Variants in HDAC2 observed in about 807,000 individuals in gnomAD.
HDAC2 encodes the protein histone deacetylase 2.
In HDAC2, 5 loss-of-function variants were observed where a neutral mutation model predicts 68.5. That is an observed-to-expected ratio of 0.07 (90% CI 0.04 to 0.15). The LOEUF (loss-of-function observed/expected upper bound fraction) is 0.15. Among genes scored for constraint, HDAC2 ranks in the 10% least tolerant of loss-of-function variants. The probability of loss-of-function intolerance (pLI) is 1.00; values close to 1 mark genes in which losing one functional copy is unlikely to be tolerated. For synonymous variants in HDAC2, 182 were observed against 191.3 expected, an observed-to-expected ratio of 0.95 and a Z score of 0.40; for missense variants, 291 against 600.8, an observed-to-expected ratio of 0.48 and a Z score of 5.39.
At chr6:113,941,485 G>A (rs1332563879) in intron 13 of HDAC2, among the ~76,000 whole-genome samples, 4 of 152,022 alleles carry the variant, frequency 2.6e-5, no homozygotes, top group Non-Finnish European at 4.4e-5. Context: ...GATAAACTAC[G>A]TACAAGAATA....
In HDAC2 at chr6:113,970,839, A is replaced by G; in HGVS notation, c.52+18T>C. On this transcript the variant is annotated intron_variant, in intron 1 of 13. Coordinates refer to ENST00000519065, the MANE Select transcript of HDAC2 (RefSeq NM_001527.4). Reference sequence around the variant, plus strand: ...CCCGGCCCCGCGCGCCCACCCCGACACCGGCCCGGCCGCTCACCGTCGTAG... The same window carrying G: ...CCCGGCCCCGCGCGCCCACCCCGACGCCGGCCCGGCCGCTCACCGTCGTAG... 6.5e-7 allele frequency: 1 copy of G among 1,534,010 alleles called. No individual in the cohort carries two copies. Among genetic ancestry groups the G allele is most frequent in the South Asian group, 1.2e-5 (1 of 83,792 alleles).
Position 113,941,058 on chromosome 6 carries a change from T to A in HDAC2, c.1467A>T (p.Ter489CysextTer2). The A allele has an allele frequency of 1.1e-5, 17 of 1,605,956 alleles. No homozygotes were observed. Among genetic ancestry groups the A allele is most frequent in the Non-Finnish European group, 1.4e-5 (17 of 1,176,158 alleles). Residue 489 changes from the stop codon to cysteine (C), a stop_lost, in exon 14 of 14, where the codon TGA becomes TGT. Coordinates refer to ENST00000519065, the MANE Select transcript of HDAC2 (RefSeq NM_001527.4). The part of the protein sequence containing the change: ...GTKSEQLSNP[*>C] ...TCTGAAATTGGTGAGACTGTCAAAT[T>A]CAGGGGTTGCTGAGCTGTTCTGATT...
At position 113,971,021 on chromosome 6, in the gene HDAC2, T is replaced by C. The variant is rs77766563; in HGVS notation, c.-113A>G. 4.4e-3 allele frequency: 6,977 copies of C among 1,575,596 alleles called. 252 individuals carry two copies. In the African/African-American group the frequency reaches 0.08, roughly 18 times the overall value. ...AGGGCTGAGGGAAACGTGGGGGCGA[T>C]AGTCCCGCGGGGAAGGGCAGGCCGG... On this transcript the variant is annotated 5_prime_UTR_variant, in exon 1 of 14. Transcript: ENST00000519065.
chr6:113,939,374 CA>C lies in HDAC2; in HGVS notation c.*1683del, dbSNP rs1776075534. The C allele has an allele frequency of 6.6e-6, 1 of 152,042 alleles. No individual in the cohort carries two copies. Among genetic ancestry groups the C allele is most frequent in the South Asian group, 2.1e-4 (1 of 4,832 alleles). The allele number at this position is 152,042 out of a possible 1,614,324, so 9.4% of individuals were successfully genotyped here. A position where few individuals can be genotyped will look rare whatever the true frequency, so the allele number is the denominator to read the frequency against. On this transcript the variant is annotated 3_prime_UTR_variant, in exon 14 of 14. Coordinates refer to ENST00000519065, the MANE Select transcript of HDAC2 (RefSeq NM_001527.4). ...TACACTGCTTGGGTGATGGGTCCAC[CA>C]AAATCCCACAAATCACCACTAAAGA...
chr6:113,944,710 T>A (rs1776228616), intron 10 of HDAC2, among the ~76,000 whole-genome samples: 1 of 152,092 alleles, frequency 6.6e-6, no homozygotes, highest in Non-Finnish European at 1.5e-5. Context: ...CCCAGGCTGG[T>A]CACAAACTAC....
chr6:113,958,780 TA>T lies in HDAC2; in HGVS notation c.166-15del, dbSNP rs1562147220. On this transcript the variant is annotated splice_polypyrimidine_tract_variant and intron_variant, in intron 2 of 13. Coordinates refer to ENST00000519065, the MANE Select transcript of HDAC2 (RefSeq NM_001527.4). ...TTTATGGGGCCTCTGTGAAGAGAAA[TA>T]AATGTCAGAACTGTGGAATTACAAC... 7.1e-7 allele frequency: 1 copy of T among 1,405,318 alleles called. No homozygotes were observed. The highest frequency in any genetic ancestry group is 1.7e-5 in the Admixed American group (1 of 59,338). 87.1% of individuals were successfully genotyped at this position (1,405,318 alleles called of 1,614,324 possible).
At position 113,953,280 on chromosome 6, in the gene HDAC2, C is replaced by T. The variant is rs751496642; in HGVS notation, c.636G>A (p.Leu212=). ...YGEYFPGTGD[L]RDIGAGKGKY... is the part of the protein sequence containing the mutation. ...TTCAGACAGAATTTAGTCTTACCCT[C>T]AAGTCTCCTGTGCCAGGAAAGTATT... The change falls in exon 6 of 14, where the codon TTG becomes TTA. Residue 212 remains leucine (L), a synonymous_variant. Coordinates refer to ENST00000519065, the MANE Select transcript of HDAC2 (RefSeq NM_001527.4). 1.9e-6 allele frequency: 3 copies of T among 1,608,558 alleles called. No homozygotes were observed. The highest frequency in any genetic ancestry group is 4.5e-5 in the East Asian group (2 of 44,752).
intron 1 of HDAC2, among the ~76,000 whole-genome samples, chr6:113,964,128 A>G (rs1776755176): frequency 6.6e-6 from 1 of 152,140 alleles, no homozygotes; most frequent in Admixed American, 6.6e-5. Flanking sequence ...ATAGCCTCAC[A>G]TTGATTCAGG....
chr6:113,942,311 T>G (rs985343260), intron 12 of HDAC2, among the ~76,000 whole-genome samples: 1 of 152,080 alleles, frequency 6.6e-6, no homozygotes, highest in Admixed American at 6.6e-5. Flanking sequence ...GAAGCCATCA[T>G]TGTAATACAT....
At chr6:113,954,627 G>A (rs939847699) in intron 5 of HDAC2, among the ~76,000 whole-genome samples, 1 of 152,156 alleles carries the variant, frequency 6.6e-6, no homozygotes, top group African/African-American at 2.4e-5. Context: ...AAAAAACAAG[G>A]CAAATGATTG....
intron 1 of HDAC2, among the ~76,000 whole-genome samples, chr6:113,969,235 G>GA (rs1776914480): frequency 6.6e-6 from 1 of 152,138 alleles, no homozygotes; most frequent in Non-Finnish European, 1.5e-5. Context: ...CTAGTCCTCT[G>GA]AAAAATCATT....
At chr6:113,957,941 G>A (rs1776595638) in intron 3 of HDAC2, among the ~76,000 whole-genome samples, 1 of 151,758 alleles carries the variant, frequency 6.6e-6, no homozygotes, top group South Asian at 2.1e-4. Flanking sequence ...TAGTTACATT[G>A]TAGCATTATA....
rs781647001 is a variant in HDAC2, at chr6:113,939,641, A to AAC, written c.*1415_*1416dup. ...AAAACATGGGTAAAATATTCACAAA[A>AAC]ACATGGATAAAATAATCACAATGGT... On this transcript the variant is annotated 3_prime_UTR_variant, in exon 14 of 14. Coordinates refer to ENST00000519065, the MANE Select transcript of HDAC2 (RefSeq NM_001527.4). 6.6e-6 allele frequency: 1 copy of AAC among 152,124 alleles called. No homozygotes were observed. Among genetic ancestry groups the AAC allele is most frequent in the Non-Finnish European group, 1.5e-5 (1 of 68,034 alleles). The allele number at this position is 152,124 out of a possible 1,614,324, so 9.4% of individuals were successfully genotyped here.
intron 3 of HDAC2, chr6:113,957,009 C>T (rs1582490367): frequency 4.8e-6 from 1 of 208,860 alleles, no homozygotes. Context: ...ATTTTCTAGG[C>T]CTTTCCCCTT....
chr6:113,936,279 T>G lies in HDAC2; in HGVS notation c.*4779A>C, dbSNP rs928461339. ...AGAGAAAACACACAGAAAAAAAAAT[T>G]TTAAATGCAGTATCTGCCATCTTGT... On this transcript the variant is annotated 3_prime_UTR_variant, in exon 14 of 14. Transcript: ENST00000519065. The G allele has an allele frequency of 1.6e-4, 24 of 152,110 alleles. No individual in the cohort carries two copies. The highest frequency in any genetic ancestry group is 5.8e-4 in the African/African-American group (24 of 41,412). 9.4% of individuals were successfully genotyped at this position (152,110 alleles called of 1,614,324 possible). A position where few individuals can be genotyped will look rare whatever the true frequency, so the allele number is the denominator to read the frequency against.
intron 1 of HDAC2, among the ~76,000 whole-genome samples, chr6:113,968,143 C>G (rs527872916): frequency 6.6e-6 from 1 of 152,346 alleles, no homozygotes; most frequent in South Asian, 2.1e-4. Context: ...CTAACAGCCC[C>G]AGGAAGCCTA....
chr6:113,941,564 T>C (rs1776135260), intron 13 of HDAC2, 144 bp downstream of exon 13: 1 of 414,702 alleles, frequency 2.4e-6, no homozygotes, highest in African/African-American at 2.1e-5. Flanking sequence ...TATGTACCAA[T>C]ACAAACTAAA....
At chr6:113,950,052 A>T (rs1157956374) in intron 6 of HDAC2, among the ~76,000 whole-genome samples, 1 of 152,120 alleles carries the variant, frequency 6.6e-6, no homozygotes, top group Admixed American at 6.6e-5. Context: ...AGGTGCTGGG[A>T]TTACAGGCGT....
chr6:113,959,823 G>A (rs1040346408), intron 2 of HDAC2, 83 bp downstream of exon 2: 3 of 678,838 alleles, frequency 4.4e-6, no homozygotes, highest in Non-Finnish European at 7.9e-6. Context: ...GCCCTCAAAA[G>A]GGGAATAATA....
Sources: gnomAD v4.1 joint callset for allele counts (sites outside exome capture counted in the v4.1 genomes callset) on GRCh38, gnomAD v4.1.1 for gene constraint, MANE v1.5 for transcripts, NCBI Gene and HGNC (gene_info 2026-07-23, HGNC 2026-07-21) for gene names.